ARHGAP24: variants seen among roughly 807,000 people sequenced by gnomAD.
ARHGAP24 encodes the protein Rho GTPase activating protein 24, also known as rho GTPase-activating protein 24.
A neutral mutation model predicts 76.4 loss-of-function variants in ARHGAP24; 50 were observed. The observed-to-expected ratio is 0.65, with a 90% confidence interval of 0.52 to 0.83. ARHGAP24 has a LOEUF of 0.83. Ranked by LOEUF, ARHGAP24 falls within the 40% of genes least tolerant of loss-of-function variation. ARHGAP24 has a pLI of 0.00. For synonymous variants in ARHGAP24, 345 were observed against 323.3 expected (o/e 1.07, Z -0.72); for missense variants, 930 against 914.2 (o/e 1.02, Z -0.22).
At chr4:85,808,211 G>A (rs1367150813) in intron 3 of ARHGAP24, among the ~76,000 whole-genome samples, 1 of 152,076 alleles carries the variant, frequency 6.6e-6, no homozygotes, top group African/African-American at 2.4e-5. Flanking sequence ...TCAATATAAA[G>A]CAAGATTCTC....
At chr4:85,741,127 C>G (rs13139248) in intron 3 of ARHGAP24, among the ~76,000 whole-genome samples, 22,820 of 152,148 alleles carry the variant, frequency 0.15, 2,372 homozygotes, top group East Asian at 0.55. Flanking sequence ...TTTTGCTGTT[C>G]TTTCAGAAAA....
chr4:85,969,894 A>G (rs1160372933), intron 5 of ARHGAP24, among the ~76,000 whole-genome samples: 1 of 152,206 alleles, frequency 6.6e-6, no homozygotes, highest in Non-Finnish European at 1.5e-5. Context: ...TTTTCTTTAC[A>G]AGGTTTTAAG....
chr4:85,914,011 A>C (rs937458353), intron 3 of ARHGAP24, among the ~76,000 whole-genome samples: 34 of 152,220 alleles, frequency 2.2e-4, no homozygotes, highest in Non-Finnish European at 7.3e-5. Flanking sequence ...AAATACCTTA[A>C]TGTTTGCTTT....
intron 2 of ARHGAP24, among the ~76,000 whole-genome samples, chr4:85,624,262 C>G (rs1302846891): frequency 1.3e-5 from 2 of 152,066 alleles, no homozygotes; most frequent in African/African-American, 4.8e-5. Flanking sequence ...TATGTCCCAT[C>G]AATACCTAAT....
chr4:85,525,569 C>G (rs1706110786), intron 1 of ARHGAP24, among the ~76,000 whole-genome samples: 1 of 151,890 alleles, frequency 6.6e-6, no homozygotes. Context: ...CTATTTGAGG[C>G]AAGAACATTT....
chr4:85,785,503 GT>G (rs1307305352), intron 3 of ARHGAP24, among the ~76,000 whole-genome samples: 13 of 150,272 alleles, frequency 8.7e-5, no homozygotes, highest in Middle Eastern at 3.4e-3. Context: ...GTTTTGTTTT[GT>G]TTTTTTAAGA....
At chr4:85,560,034 T>C (rs1726531876) in intron 1 of ARHGAP24, among the ~76,000 whole-genome samples, 1 of 152,184 alleles carries the variant, frequency 6.6e-6, no homozygotes, top group South Asian at 2.1e-4. Context: ...TGAGATGGCA[T>C]CTGGGGGTGA....
intron 1 of ARHGAP24, among the ~76,000 whole-genome samples, chr4:85,554,419 C>T (rs1371586763): frequency 2.0e-5 from 3 of 152,056 alleles, no homozygotes; most frequent in African/African-American, 7.2e-5. Flanking sequence ...CCTGTTATCT[C>T]CTCATATCTT....
intron 5 of ARHGAP24, among the ~76,000 whole-genome samples, chr4:85,950,935 T>C (rs1467098534): frequency 6.6e-6 from 1 of 152,176 alleles, no homozygotes; most frequent in Non-Finnish European, 1.5e-5. Context: ...CACCTCGGCC[T>C]CCCAAAGTGC....
intron 3 of ARHGAP24, among the ~76,000 whole-genome samples, chr4:85,856,278 A>G (rs974357788): frequency 2.0e-5 from 3 of 152,020 alleles, no homozygotes; most frequent in Admixed American, 2.0e-4. Flanking sequence ...GAAAATTTGT[A>G]TGTACAGAAT....
chr4:85,545,289 G>A (rs188715542), intron 1 of ARHGAP24, among the ~76,000 whole-genome samples: 226 of 151,950 alleles, frequency 1.5e-3, no homozygotes, highest in African/African-American at 5.1e-3. Flanking sequence ...TAGTAGAGAC[G>A]GGGTTTCGCC....
At chr4:85,935,565 G>A (rs1736585238) in intron 4 of ARHGAP24, among the ~76,000 whole-genome samples, 2 of 152,180 alleles carry the variant, frequency 1.3e-5, no homozygotes, top group Admixed American at 6.5e-5. Flanking sequence ...ATAACATAGT[G>A]AAAAATGAAA....
Position 85,931,576 on chromosome 4 carries a change from C to T in ARHGAP24, c.391+7806C>T, listed in dbSNP as rs1010605282. ...ATGAATATTTGCTGGGAATAGGAGT[C>T]ACCCTGACATTTCAAATATATCACA... On this transcript the variant is annotated intron_variant, in intron 4 of 9. Transcript: ENST00000395184. Among the ~76,000 whole-genome samples, 12 of 152,150 alleles carry T rather than the reference C, an allele frequency of 7.9e-5. No individual in the cohort carries two copies. The East Asian group carries it at 2.3e-3, about 29-fold the overall frequency.
intron 1 of ARHGAP24, among the ~76,000 whole-genome samples, chr4:85,523,835 A>C (rs1044671043): frequency 6.6e-6 from 1 of 152,166 alleles, no homozygotes; most frequent in Non-Finnish European, 1.5e-5. Flanking sequence ...GGTTAAAAAA[A>C]AAAAGGCAAA....
At chr4:85,596,874 T>C (rs1400927641) in intron 2 of ARHGAP24, among the ~76,000 whole-genome samples, 1 of 152,068 alleles carries the variant, frequency 6.6e-6, no homozygotes, top group Non-Finnish European at 1.5e-5. Flanking sequence ...ATTCAAAATG[T>C]CCATATTTTG....
chr4:85,538,604 A>T (rs903337548), intron 1 of ARHGAP24, among the ~76,000 whole-genome samples: 1 of 152,110 alleles, frequency 6.6e-6, no homozygotes, highest in East Asian at 1.9e-4. Context: ...CACCTATTTG[A>T]CTTGTAATTG....
At chr4:85,788,801 T>C (rs2110092811) in intron 3 of ARHGAP24, among the ~76,000 whole-genome samples, 1 of 152,318 alleles carries the variant, frequency 6.6e-6, no homozygotes, top group East Asian at 1.9e-4. Flanking sequence ...ATGAGTGATC[T>C]TTTCCCAAGT....
intron 3 of ARHGAP24, among the ~76,000 whole-genome samples, chr4:85,756,998 T>C (rs935406066): frequency 1.1e-4 from 17 of 152,186 alleles, no homozygotes; most frequent in African/African-American, 4.1e-4. Context: ...ATCTTTATTT[T>C]TGTTTTCTGA....
chr4:85,570,424 TCTCTC>T, intron 1 of ARHGAP24, 93 bp from the exon 2 acceptor site: 2 of 559,800 alleles, frequency 3.6e-6, no homozygotes, highest in Non-Finnish European at 5.8e-6. Flanking sequence ...CTTTCCTCTC[TCTCTC>T]TCTTTTTTTT....
Sources: gnomAD v4.1 joint callset for allele counts (sites outside exome capture counted in the v4.1 genomes callset) on GRCh38, gnomAD v4.1.1 for gene constraint, MANE v1.5 for transcripts, NCBI Gene and HGNC (gene_info 2026-07-23, HGNC 2026-07-21) for gene names.